Variants in ADAM12 observed in about 807,000 individuals in gnomAD.
The protein encoded by ADAM12 is ADAM metallopeptidase domain 12.
In ADAM12, 70 loss-of-function variants were observed where a neutral mutation model predicts 106.4. The ratio of observed to expected loss-of-function variants is 0.66; its 90% confidence interval spans 0.54 to 0.80. The LOEUF is 0.80. ADAM12 is among the 30% of genes least tolerant of loss of function. The probability of loss-of-function intolerance (pLI) is 0.00; values close to 1 mark genes in which losing one functional copy is unlikely to be tolerated. For missense variants in ADAM12, 1,010 were observed against 1,171.9 expected (o/e 0.86, Z 2.02); for synonymous variants, 420 against 433.5 (o/e 0.97, Z 0.39).
intron 17 of ADAM12, among the ~76,000 whole-genome samples, chr10:126,044,979 G>A (rs1429712962): frequency 6.6e-6 from 1 of 152,152 alleles, no homozygotes; most frequent in Admixed American, 6.5e-5. Flanking sequence ...CCTTGTTAGG[G>A]TGGGACTGTG....
At chr10:126,125,804 A>C (rs892039951) in intron 5 of ADAM12, among the ~76,000 whole-genome samples, 1 of 151,880 alleles carries the variant, frequency 6.6e-6, no homozygotes, top group African/African-American at 2.4e-5. Flanking sequence ...AGGGTGGGCC[A>C]TAAATCTAAC....
chr10:126,164,239 C>T (rs1304980194), intron 3 of ADAM12, among the ~76,000 whole-genome samples: 3 of 152,186 alleles, frequency 2.0e-5, no homozygotes, highest in Non-Finnish European at 4.4e-5. Context: ...TTATTCTGTA[C>T]AGCATATTCA....
chr10:126,173,765 C>T (rs1362326235), intron 3 of ADAM12, among the ~76,000 whole-genome samples: 3 of 151,924 alleles, frequency 2.0e-5, no homozygotes, highest in East Asian at 1.9e-4. Flanking sequence ...CCTGGGGCCC[C>T]GAGACCAGAG....
rs982012020 is a variant in ADAM12, at chr10:126,126,730, G to C, written c.417-8506C>G. Reference sequence around the variant, plus strand: ...GGGGAGGCAATTTTCAAATCTAAGAGGGGGGTTGAACAAGGATGGTGATAG... The same window carrying C: ...GGGGAGGCAATTTTCAAATCTAAGACGGGGGTTGAACAAGGATGGTGATAG... On this transcript the variant is annotated intron_variant, in intron 5 of 22. Coordinates refer to ENST00000448723, the MANE Select transcript of ADAM12 (RefSeq NM_001288973.2). Among the ~76,000 whole-genome samples, 4 of 152,072 alleles carry C rather than the reference G, an allele frequency of 2.6e-5. No individual in the cohort carries two copies. The East Asian group carries it at 5.8e-4, about 22-fold the overall frequency.
intron 21 of ADAM12, among the ~76,000 whole-genome samples, chr10:126,021,020 A>G (rs1953757167): frequency 6.8e-6 from 1 of 148,144 alleles, no homozygotes; most frequent in Non-Finnish European, 1.5e-5. Context: ...AAAATGTAAG[A>G]ACACATGCCC....
chr10:126,132,525 C>CG (rs1956324495), intron 5 of ADAM12, among the ~76,000 whole-genome samples: 1 of 18,146 alleles, frequency 5.5e-5, no homozygotes, highest in Middle Eastern at 0.05. Flanking sequence ...TGCATGAACA[C>CG]CCCCCCCCCC....
chr10:126,119,927 G>C (rs1279603139), intron 5 of ADAM12, among the ~76,000 whole-genome samples: 1 of 152,214 alleles, frequency 6.6e-6, no homozygotes, highest in African/African-American at 2.4e-5. Flanking sequence ...TCCTGATGTT[G>C]AGAGAAAGGT....
intron 4 of ADAM12, among the ~76,000 whole-genome samples, chr10:126,146,386 G>A (rs1234757409): frequency 6.6e-6 from 1 of 152,176 alleles, no homozygotes; most frequent in African/African-American, 2.4e-5. Context: ...ATATGATGAT[G>A]AGCCTGGCTT....
chr10:126,193,393 G>A (rs1957540490), intron 3 of ADAM12, among the ~76,000 whole-genome samples: 1 of 150,916 alleles, frequency 6.6e-6, no homozygotes, highest in Non-Finnish European at 1.5e-5. Flanking sequence ...AATTTGCAAA[G>A]TCACTGTAAT....
chr10:126,051,536 C>CCAGCCAGCCAG, intron 14 of ADAM12, among the ~76,000 whole-genome samples: 1 of 118,892 alleles, frequency 8.4e-6, no homozygotes, highest in Non-Finnish European at 1.8e-5. Context: ...CAGCCAGCCA[C>CCAGCCAGCCAG]CCATCCATCC....
intron 2 of ADAM12, among the ~76,000 whole-genome samples, chr10:126,304,222 A>C (rs11244943): frequency 0.015 from 2,311 of 152,002 alleles, 68 homozygotes; most frequent in African/African-American, 0.052. Flanking sequence ...ACAAAGAGCT[A>C]AGAAACCAAC....
At chr10:126,024,402 TATATTTTAA>T (rs1953828869) in intron 21 of ADAM12, among the ~76,000 whole-genome samples, 1 of 152,224 alleles carries the variant, frequency 6.6e-6, no homozygotes, top group South Asian at 2.1e-4. Flanking sequence ...TTTACTTTTC[TATATTTTAA>T]ATATTTTAAA....
chr10:126,289,008 C>T (rs1435153555), intron 2 of ADAM12, among the ~76,000 whole-genome samples: 1 of 147,772 alleles, frequency 6.8e-6, no homozygotes, highest in African/African-American at 2.5e-5. Context: ...CATATAGTGA[C>T]ATGGTGACCC....
chr10:126,138,992 T>C (rs1956460203), intron 4 of ADAM12, among the ~76,000 whole-genome samples: 1 of 152,218 alleles, frequency 6.6e-6, no homozygotes, highest in Non-Finnish European at 1.5e-5. Context: ...TATTGAATTG[T>C]CTTGGTGACT....
At chr10:126,080,530 A>G (rs1209204829) in intron 11 of ADAM12, among the ~76,000 whole-genome samples, 1 of 117,962 alleles carries the variant, frequency 8.5e-6, no homozygotes, top group East Asian at 2.6e-4. Context: ...GCGGCCCAGG[A>G]AAAAAAAGTG....
At chr10:126,030,082 G>T (rs56083862) in intron 21 of ADAM12, among the ~76,000 whole-genome samples, 15,672 of 152,290 alleles carry the variant, frequency 0.1, 959 homozygotes, top group South Asian at 0.24. Context: ...ACAGGTTAAA[G>T]AAGTCATGGT....
intron 3 of ADAM12, among the ~76,000 whole-genome samples, chr10:126,190,000 C>A (rs778636592): frequency 1.3e-5 from 2 of 152,148 alleles, no homozygotes; most frequent in South Asian, 4.2e-4. Flanking sequence ...ACTGAAGACC[C>A]AGCATTGTGA....
intron 1 of ADAM12, among the ~76,000 whole-genome samples, chr10:126,373,823 C>T (rs550332824): frequency 6.6e-6 from 1 of 152,320 alleles, no homozygotes; most frequent in South Asian, 2.1e-4. Context: ...TAAGGAATTC[C>T]TAGCCAGAGC....
In ADAM12 at chr10:126,053,702, C is replaced by T. The variant is rs560980902; in HGVS notation, c.1610-4033G>A. Among the ~76,000 whole-genome samples, 31 of 152,056 alleles carry T rather than the reference C, an allele frequency of 2.0e-4. No individual in the cohort carries two copies. In the South Asian group the frequency reaches 6.5e-3, roughly 32 times the overall value. ...TTACTGAGATGACGTTTCCTTTGGT[C>T]TCAGTCTTTTTATTTTTTTTGAGAG... On this transcript the variant is annotated intron_variant, in intron 14 of 22. Coordinates refer to ENST00000448723, the MANE Select transcript of ADAM12 (RefSeq NM_001288973.2). The surrounding 1 kb of genome is among the most constrained non-coding windows in gnomAD (Gnocchi z 4.6).
Sources: allele counts gnomAD v4.1 joint callset (sites outside exome capture counted in the v4.1 genomes callset), GRCh38; gene constraint gnomAD v4.1.1; non-coding constraint Gnocchi (gnomAD v3.1); transcripts MANE v1.5; gene names NCBI Gene and HGNC (gene_info 2026-07-23, HGNC 2026-07-21).